The following ACVR1 variants were observed in gnomAD, a reference collection of about 807,000 sequenced individuals.
ACVR1 encodes the protein activin A receptor type 1, also known as activin receptor type-1.
Under a neutral mutation model 57.1 loss-of-function variants are expected in ACVR1, and 38 were observed. That is an observed-to-expected ratio of 0.67 (90% CI 0.51 to 0.87). The LOEUF (loss-of-function observed/expected upper bound fraction) is 0.87, where lower values mean the gene tolerates loss of function less well. ACVR1 is among the 40% of genes least tolerant of loss of function. The probability of loss-of-function intolerance (pLI) is 0.00; values close to 1 mark genes in which losing one functional copy is unlikely to be tolerated. For synonymous variants in ACVR1, 212 were observed against 228.1 expected (o/e 0.93, Z 0.63); for missense variants, 463 against 638.2 (o/e 0.73, Z 2.96).
intron 1 of ACVR1, among the ~76,000 whole-genome samples, chr2:157,841,796 G>A (rs1238005115): frequency 2.6e-5 from 4 of 152,030 alleles, no homozygotes; most frequent in Admixed American, 1.3e-4. Flanking sequence ...GGCCAAGGCA[G>A]GCAGATCATG....
At chr2:157,757,748 C>T (rs1396017378) in intron 9 of ACVR1, among the ~76,000 whole-genome samples, 1 of 151,686 alleles carries the variant, frequency 6.6e-6, no homozygotes, top group Non-Finnish European at 1.5e-5. Flanking sequence ...ACAAGAAACA[C>T]ATAAGGAAAT....
chr2:157,834,910 A>C (rs542111252), intron 1 of ACVR1, among the ~76,000 whole-genome samples: 1 of 152,254 alleles, frequency 6.6e-6, no homozygotes, highest in African/African-American at 2.4e-5. Context: ...ATGTGAAGAC[A>C]GAGCAAGAAG....
In ACVR1 at chr2:157,739,655, T is replaced by A. The variant is rs185321068; in HGVS notation, c.1265-1085A>T. On this transcript the variant is annotated intron_variant, in intron 9 of 10. Coordinates refer to ENST00000434821, the MANE Select transcript of ACVR1 (RefSeq NM_001111067.4). Reference sequence around the variant, plus strand: ...GAGTGTGAGGAAAGTTGTAATTCGGTTGTTCTAGTTCCTACAAGCCACCTG... The same window carrying A: ...GAGTGTGAGGAAAGTTGTAATTCGGATGTTCTAGTTCCTACAAGCCACCTG... Among the ~76,000 whole-genome samples, 744 of 152,306 alleles carry A rather than the reference T, an allele frequency of 4.9e-3. 4 individuals are homozygous for A. Among genetic ancestry groups the A allele is most frequent in the African/African-American group, 0.017 (688 of 41,576 alleles).
chr2:157,746,354 A>C (rs924146267), intron 9 of ACVR1, among the ~76,000 whole-genome samples: 8 of 152,086 alleles, frequency 5.3e-5, no homozygotes, highest in Non-Finnish European at 7.3e-5. Context: ...AAACTGATGT[A>C]AGTCATCGAG....
chr2:157,804,818 G>C (rs1687459399), intron 2 of ACVR1, among the ~76,000 whole-genome samples: 1 of 152,116 alleles, frequency 6.6e-6, no homozygotes, highest in Admixed American at 6.5e-5. Flanking sequence ...ACATCACCAG[G>C]GTAGTACAAA....
intron 1 of ACVR1, among the ~76,000 whole-genome samples, chr2:157,830,353 C>T (rs1337188757): frequency 6.6e-6 from 1 of 151,946 alleles, no homozygotes; most frequent in African/African-American, 2.4e-5. Flanking sequence ...AATAATAATG[C>T]TAATGGAAAA....
chr2:157,864,257 T>C (rs926568752), intron 1 of ACVR1, among the ~76,000 whole-genome samples: 2 of 151,678 alleles, frequency 1.3e-5, no homozygotes, highest in African/African-American at 2.4e-5. Context: ...ACCCAGCCTG[T>C]ATGGGGTACA....
intron 1 of ACVR1, among the ~76,000 whole-genome samples, chr2:157,835,315 T>C (rs954780892): frequency 6.6e-6 from 1 of 152,096 alleles, no homozygotes. Flanking sequence ...ATTCCCTTCA[T>C]CTGAAAAATT....
At chr2:157,752,597 T>G (rs967998839) in intron 9 of ACVR1, among the ~76,000 whole-genome samples, 1 of 152,190 alleles carries the variant, frequency 6.6e-6, no homozygotes, top group Non-Finnish European at 1.5e-5. Flanking sequence ...AGCAGATTTC[T>G]CAGCAGAGAC....
At chr2:157,866,973 C>T (rs1689962035) in intron 1 of ACVR1, among the ~76,000 whole-genome samples, 1 of 152,152 alleles carries the variant, frequency 6.6e-6, no homozygotes, top group African/African-American at 2.4e-5. Context: ...ATAGCCAATA[C>T]AAAGCCAAAG....
intron 1 of ACVR1, among the ~76,000 whole-genome samples, chr2:157,828,840 C>G (rs1688485758): frequency 6.6e-6 from 1 of 152,078 alleles, no homozygotes; most frequent in South Asian, 2.1e-4. Flanking sequence ...AATCTTGGCT[C>G]ACTCCAACCT....
At chr2:157,854,551 T>A (rs1413757704) in intron 1 of ACVR1, among the ~76,000 whole-genome samples, 1 of 151,372 alleles carries the variant, frequency 6.6e-6, no homozygotes, top group Admixed American at 6.6e-5. Context: ...TGAAACCCCA[T>A]CTCTACTAAA....
chr2:157,786,906 A>G (rs1324256107), intron 3 of ACVR1, among the ~76,000 whole-genome samples: 1 of 152,036 alleles, frequency 6.6e-6, no homozygotes, highest in Non-Finnish European at 1.5e-5. Flanking sequence ...TTTTATCCCT[A>G]TCGGTGAAAT....
intron 9 of ACVR1, among the ~76,000 whole-genome samples, chr2:157,745,152 T>C (rs929043305): frequency 2.0e-5 from 3 of 152,240 alleles, no homozygotes; most frequent in African/African-American, 4.8e-5. Flanking sequence ...AAATGGTTTA[T>C]AGATTACTGT....
At chr2:157,824,759 CT>C (rs879362189) in intron 1 of ACVR1, among the ~76,000 whole-genome samples, 101 of 146,356 alleles carry the variant, frequency 6.9e-4, no homozygotes, top group Admixed American at 1.1e-3. Flanking sequence ...ACTCCTTTCT[CT>C]TTTTTTTTTT....
intron 1 of ACVR1, among the ~76,000 whole-genome samples, chr2:157,843,426 G>C (rs902912765): frequency 1.1e-4 from 16 of 152,064 alleles, no homozygotes; most frequent in African/African-American, 3.9e-4. Context: ...CCACTGTGAC[G>C]GAGATTTGCA....
At chr2:157,816,008 T>C (rs947561610) in intron 2 of ACVR1, among the ~76,000 whole-genome samples, 3 of 152,144 alleles carry the variant, frequency 2.0e-5, no homozygotes, top group African/African-American at 7.2e-5. Flanking sequence ...TAAGGGACAC[T>C]AGGCAGGCAT....
At chr2:157,785,602 C>T (rs908542572) in intron 3 of ACVR1, among the ~76,000 whole-genome samples, 4 of 152,276 alleles carry the variant, frequency 2.6e-5, no homozygotes, top group African/African-American at 9.6e-5. Context: ...ATAAAATACA[C>T]CCAGTGCCTA....
chr2:157,843,875 C>G (rs1310883965), intron 1 of ACVR1, among the ~76,000 whole-genome samples: 1 of 151,966 alleles, frequency 6.6e-6, no homozygotes, highest in Admixed American at 6.6e-5. Context: ...ATGCTTAATA[C>G]AAAAAACATG....
Sources: gnomAD v4.1 joint callset for allele counts (sites outside exome capture counted in the v4.1 genomes callset) on GRCh38, gnomAD v4.1.1 for gene constraint, MANE v1.5 for transcripts, NCBI Gene and HGNC (gene_info 2026-07-23, HGNC 2026-07-21) for gene names.